Variants in EHBP1 observed in about 807,000 individuals in gnomAD.
EHBP1 encodes EH domain-binding protein 1.
EHBP1 carries 55 observed loss-of-function variants against 144.0 expected under a neutral mutation model. The observed-to-expected ratio is 0.38, with a 90% CI of 0.31 to 0.48. EHBP1 has a LOEUF of 0.48. Among genes scored for constraint, EHBP1 ranks in the 20% least tolerant of loss-of-function variants. EHBP1 has a pLI of 0.98. For synonymous variants in EHBP1, 469 were observed against 472.7 expected, an observed-to-expected ratio of 0.99 and a Z score of 0.10; for missense variants, 1,200 against 1,364.2, an observed-to-expected ratio of 0.88 and a Z score of 1.90.
chr2:62,947,843 C>A (rs1384142506), intron 12 of EHBP1, among the ~76,000 whole-genome samples: 1 of 152,088 alleles, frequency 6.6e-6, no homozygotes, highest in Admixed American at 6.6e-5. Context: ...ATCAGGTAAT[C>A]TAGTAGTTCT....
At chr2:62,886,268 A>G (rs1389767544) in intron 10 of EHBP1, among the ~76,000 whole-genome samples, 1 of 152,244 alleles carries the variant, frequency 6.6e-6, no homozygotes, top group African/African-American at 2.4e-5. Context: ...TCATATGTAA[A>G]TTGAAAATGT....
At chr2:62,733,758 A>C (rs1452729934) in intron 2 of EHBP1, among the ~76,000 whole-genome samples, 1 of 152,198 alleles carries the variant, frequency 6.6e-6, no homozygotes, top group Non-Finnish European at 1.5e-5. Flanking sequence ...GGGCTCCTGG[A>C]GGTAAAACTC....
intron 5 of EHBP1, among the ~76,000 whole-genome samples, chr2:62,807,356 T>A (rs1272223101): frequency 6.6e-6 from 1 of 152,200 alleles, no homozygotes; most frequent in African/African-American, 2.4e-5. Context: ...AAGACCAGCC[T>A]GACCAACACG....
chr2:63,043,435 A>G (rs1448566992), intron 21 of EHBP1, among the ~76,000 whole-genome samples: 1 of 152,210 alleles, frequency 6.6e-6, no homozygotes, highest in Non-Finnish European at 1.5e-5. Context: ...GTGGTTTTAT[A>G]TCGAATGTGG....
intron 20 of EHBP1, among the ~76,000 whole-genome samples, chr2:63,038,319 A>C (rs2061527971): frequency 6.6e-6 from 1 of 152,132 alleles, no homozygotes; most frequent in Non-Finnish European, 1.5e-5. Flanking sequence ...AGTTATGAAG[A>C]AGCACAAAAC....
intron 7 of EHBP1, among the ~76,000 whole-genome samples, chr2:62,846,590 G>A (rs1318528618): frequency 2.4e-4 from 37 of 152,120 alleles, no homozygotes; most frequent in Admixed American, 2.4e-3. Context: ...ACAAGGCAAG[G>A]ATGTTTGCTC....
chr2:62,849,485 A>T (rs951977254), intron 7 of EHBP1, among the ~76,000 whole-genome samples: 5 of 152,152 alleles, frequency 3.3e-5, no homozygotes, highest in African/African-American at 1.2e-4. Context: ...ACTTTGAGAG[A>T]TAATAATTTG....
At chr2:62,980,173 A>G (rs1441792000) in intron 15 of EHBP1, among the ~76,000 whole-genome samples, 1 of 152,196 alleles carries the variant, frequency 6.6e-6, no homozygotes, top group African/African-American at 2.4e-5. Context: ...TATGGAAGAC[A>G]GTTTTTCCAC....
intron 2 of EHBP1, among the ~76,000 whole-genome samples, chr2:62,712,790 G>A (rs1230683768): frequency 6.6e-6 from 1 of 152,146 alleles, no homozygotes; most frequent in Non-Finnish European, 1.5e-5. Context: ...ATGGGAGGTG[G>A]AAGAGTGTGA....
intron 5 of EHBP1, among the ~76,000 whole-genome samples, chr2:62,816,837 C>G (rs531338334): frequency 6.6e-6 from 1 of 152,248 alleles, no homozygotes; most frequent in East Asian, 1.9e-4. Context: ...CTTTTCCCCC[C>G]ACATAAACCA....
intron 2 of EHBP1, among the ~76,000 whole-genome samples, chr2:62,707,812 C>T (rs2034746863): frequency 6.6e-6 from 1 of 152,108 alleles, no homozygotes; most frequent in Non-Finnish European, 1.5e-5. Context: ...ATCCACAAAA[C>T]CTTAGAAATT....
intron 19 of EHBP1, among the ~76,000 whole-genome samples, chr2:63,020,342 A>G (rs1435692210): frequency 2.3e-4 from 34 of 150,592 alleles, no homozygotes; most frequent in East Asian, 5.9e-4. Context: ...AAAAAAAAAA[A>G]AAAAGAAAAC....
chr2:63,044,824 G>T, intron 21 of EHBP1: 2 of 401,640 alleles, frequency 5.0e-6, no homozygotes, highest in Non-Finnish European at 4.6e-6. Context: ...TTCACACCTG[G>T]TTCTAAGCAG....
intron 2 of EHBP1, among the ~76,000 whole-genome samples, chr2:62,723,752 G>A (rs1442763364): frequency 1.3e-5 from 2 of 152,216 alleles, no homozygotes; most frequent in African/African-American, 4.8e-5. Flanking sequence ...AGTTTGGTGA[G>A]ACATGAAATT....
intron 19 of EHBP1, among the ~76,000 whole-genome samples, chr2:63,030,510 C>T (rs915083480): frequency 3.1e-4 from 47 of 151,516 alleles, no homozygotes; most frequent in African/African-American, 9.2e-4. Context: ...TTTTTTGAGA[C>T]GGAGTCTCGC....
At chr2:62,825,664 C>T (rs1177288340) in intron 5 of EHBP1, among the ~76,000 whole-genome samples, 1 of 150,788 alleles carries the variant, frequency 6.6e-6, no homozygotes, top group African/African-American at 2.4e-5. Flanking sequence ...TATAAATAAT[C>T]GTAGGCGTTT....
At chr2:62,842,076 A>T (rs775272062) in intron 7 of EHBP1, among the ~76,000 whole-genome samples, 8 of 152,006 alleles carry the variant, frequency 5.3e-5, no homozygotes, top group Non-Finnish European at 8.8e-5. Flanking sequence ...CCAAGGGACA[A>T]ACTTGCTCCC....
At chr2:62,833,338 G>T (rs2046963053) in intron 7 of EHBP1, among the ~76,000 whole-genome samples, 2 of 152,182 alleles carry the variant, frequency 1.3e-5, no homozygotes, top group African/African-American at 4.8e-5. Flanking sequence ...TTATCCAGAA[G>T]ATCTCACCAA....
intron 3 of EHBP1, among the ~76,000 whole-genome samples, chr2:62,759,179 A>C (rs919603483): frequency 5.3e-5 from 8 of 152,176 alleles, no homozygotes; most frequent in South Asian, 2.1e-4. Context: ...ATGTGAGGAA[A>C]ATTGTAGAAG....
Sources: allele counts gnomAD v4.1 joint callset (sites outside exome capture counted in the v4.1 genomes callset), GRCh38; gene constraint gnomAD v4.1.1; transcripts MANE v1.5; gene names NCBI Gene and HGNC (gene_info 2026-07-23, HGNC 2026-07-21).